Variants in NEMP2 observed in about 807,000 individuals in gnomAD.
NEMP2 encodes the protein UPF0571 transmembrane protein.
In NEMP2, 53 loss-of-function variants were observed where a neutral mutation model predicts 54.2. That is an observed-to-expected ratio of 0.98 (90% CI 0.78 to 1.23). The LOEUF (loss-of-function observed/expected upper bound fraction) is 1.23. Among genes scored for constraint, NEMP2 ranks in the 50% most tolerant of loss-of-function variants. The pLI is 0.00. For missense variants in NEMP2, 455 were observed against 511.3 expected (o/e 0.89, Z 1.06); for synonymous variants, 197 against 190.3 (o/e 1.04, Z -0.29).
At chr2:190,497,409 A>C in the NEMP2 span, 1 of 1,599,288 alleles carries the variant, frequency 6.3e-7, no homozygotes, top group African/African-American at 1.3e-5. The surrounding 1 kb of genome is among the most constrained non-coding windows in gnomAD (Gnocchi z 5.2). Context: ...AAATGCTGAA[A>C]AAATAGTTTA....
chr2:190,589,008 T>G, the NEMP2 span, among the ~76,000 whole-genome samples: 1 of 152,158 alleles, frequency 6.6e-6, no homozygotes, highest in Non-Finnish European at 1.5e-5. The surrounding 1 kb of genome is among the most constrained non-coding windows in gnomAD (Gnocchi z 4.3). Flanking sequence ...TTGAATATCT[T>G]TATATGGGCT....
chr2:190,489,867 G>GT, the NEMP2 span: 1 of 1,613,006 alleles, frequency 6.2e-7, no homozygotes, highest in Non-Finnish European at 8.5e-7. The surrounding 1 kb of genome is among the most constrained non-coding windows in gnomAD (Gnocchi z 6.6). Flanking sequence ...GAGGAAGAAG[G>GT]TAATTATTTC....
the NEMP2 span, chr2:190,610,153 G>T: frequency 6.6e-6 from 1 of 152,140 alleles, no homozygotes; most frequent in African/African-American, 2.4e-5. The surrounding 1 kb of genome is among the most constrained non-coding windows in gnomAD (Gnocchi z 5.4). Flanking sequence ...AATTTAACAG[G>T]TATACTATAG....
At chr2:190,499,403 CTGGTGATGTTCTACTCA>C (rs1689904174), downstream of NEMP2, among the ~76,000 whole-genome samples, 1 of 152,074 alleles carries the variant, frequency 6.6e-6, no homozygotes, top group Non-Finnish European at 1.5e-5. The surrounding 1 kb of genome is among the most constrained non-coding windows in gnomAD (Gnocchi z 6.0). Flanking sequence ...GAAATTGCTG[CTGGTGATGTTCTACTCA>C]TGGTTATTTA....
the NEMP2 span, among the ~76,000 whole-genome samples, chr2:190,429,388 C>T: frequency 0.45 from 68,500 of 150,874 alleles, 15,950 homozygotes; most frequent in East Asian, 0.61. Context: ...TACAGTGGTG[C>T]AATCTCGGCT....
chr2:190,545,310 T>G, the NEMP2 span, among the ~76,000 whole-genome samples: 1 of 152,164 alleles, frequency 6.6e-6, no homozygotes, highest in Non-Finnish European at 1.5e-5. Context: ...AACACACCAT[T>G]AGGAAACATT....
At chr2:190,477,715 G>A in the NEMP2 span, among the ~76,000 whole-genome samples, 7 of 152,228 alleles carry the variant, frequency 4.6e-5, no homozygotes, top group Non-Finnish European at 5.9e-5. Flanking sequence ...TGTTCTGGAA[G>A]CCAGATGTGT....
the NEMP2 span, among the ~76,000 whole-genome samples, chr2:190,488,489 G>A: frequency 6.6e-6 from 1 of 152,206 alleles, no homozygotes; most frequent in African/African-American, 2.4e-5. The surrounding 1 kb of genome is among the most constrained non-coding windows in gnomAD (Gnocchi z 6.4). Context: ...AGTGTACTCA[G>A]TGCCACTGAA....
the NEMP2 span, among the ~76,000 whole-genome samples, chr2:190,438,519 AAAG>A: frequency 8.5e-5 from 13 of 152,334 alleles, no homozygotes; most frequent in African/African-American, 2.9e-4. This position sits in a 1 kb window ranked among gnomAD's most constrained non-coding sequence, Gnocchi z 5.2. Context: ...CCATCTAAAA[AAAG>A]AGAACACCCT....
At chr2:190,638,502 C>G in the NEMP2 span, among the ~76,000 whole-genome samples, 2 of 152,030 alleles carry the variant, frequency 1.3e-5, no homozygotes, top group Non-Finnish European at 2.9e-5. The surrounding 1 kb of genome is among the most constrained non-coding windows in gnomAD (Gnocchi z 5.7). Flanking sequence ...TGTCAATAGT[C>G]CTGACGAAAA....
chr2:190,620,442 C>CA, the NEMP2 span: 1 of 152,094 alleles, frequency 6.6e-6, no homozygotes, highest in Non-Finnish European at 1.5e-5. The surrounding 1 kb of genome is among the most constrained non-coding windows in gnomAD (Gnocchi z 4.9). Context: ...AAAAACAAAA[C>CA]AAAACAAAAC....
chr2:190,633,312 T>TA, the NEMP2 span, among the ~76,000 whole-genome samples: 4 of 117,006 alleles, frequency 3.4e-5, no homozygotes, highest in Non-Finnish European at 6.6e-5. Context: ...CAACTTTTCC[T>TA]TTTTTTTTTT....
chr2:190,501,307 T>C (rs1246531437), downstream of NEMP2: 1 of 152,174 alleles, frequency 6.6e-6, no homozygotes, highest in Admixed American at 6.5e-5. Context: ...AACTATACTT[T>C]CCAATGACTA....
At chr2:190,473,329 A>G in the NEMP2 span, among the ~76,000 whole-genome samples, 1 of 152,232 alleles carries the variant, frequency 6.6e-6, no homozygotes, top group Non-Finnish European at 1.5e-5. Context: ...AGTGTGCTGT[A>G]TTCAGGAAAC....
At chr2:190,471,343 G>A in the NEMP2 span, among the ~76,000 whole-genome samples, 25 of 152,310 alleles carry the variant, frequency 1.6e-4, no homozygotes, top group South Asian at 6.2e-4. The surrounding 1 kb of genome is among the most constrained non-coding windows in gnomAD (Gnocchi z 4.7). Flanking sequence ...TTTCCTAGCC[G>A]AGGAAAGGGG....
At chr2:190,477,276 A>G in the NEMP2 span, 7 of 984,480 alleles carry the variant, frequency 7.1e-6, no homozygotes, top group South Asian at 2.4e-4. Context: ...TATGCAACAC[A>G]GTTCTTAGGA....
the NEMP2 span, chr2:190,435,830 T>A: frequency 7.4e-6 from 5 of 678,590 alleles, no homozygotes; most frequent in South Asian, 1.4e-4. Flanking sequence ...TTACCGGTAT[T>A]GTGTGGCTGC....
At chr2:190,427,517 C>T in the NEMP2 span, among the ~76,000 whole-genome samples, 1 of 152,204 alleles carries the variant, frequency 6.6e-6, no homozygotes, top group Non-Finnish European at 1.5e-5. Context: ...CCTATCTTCA[C>T]CCATCAGTAT....
At chr2:190,465,683 C>T in the NEMP2 span, among the ~76,000 whole-genome samples, 3 of 152,278 alleles carry the variant, frequency 2.0e-5, no homozygotes, top group Admixed American at 1.3e-4. The surrounding 1 kb of genome is among the most constrained non-coding windows in gnomAD (Gnocchi z 4.6). Context: ...GTACCACGGT[C>T]TGGGTGGCTT....
Sources: gnomAD v4.1 joint callset for allele counts (sites outside exome capture counted in the v4.1 genomes callset) on GRCh38, gnomAD v4.1.1 for gene constraint, Gnocchi (gnomAD v3.1) non-coding constraint, MANE v1.5 for transcripts, NCBI Gene and HGNC (gene_info 2026-07-23, HGNC 2026-07-21) for gene names.